SUPT16H: variants seen among roughly 807,000 people sequenced by gnomAD.
SUPT16H encodes the protein SPT16 homolog, facilitates chromatin remodeling subunit, also known as FACT complex subunit SPT16.
A neutral mutation model predicts 136.2 loss-of-function variants in SUPT16H; 24 were observed. That is an observed-to-expected ratio of 0.18 (90% confidence interval 0.13 to 0.25). The LOEUF is 0.25. SUPT16H is among the 10% of genes least tolerant of loss of function. The pLI is 1.00. For missense variants in SUPT16H, 623 were observed against 1,270.2 expected (o/e 0.49, Z 7.74); for synonymous variants, 415 against 428.2 (o/e 0.97, Z 0.38).
At chr14:21,358,039 G>A (rs939852764) in intron 20 of SUPT16H, 37 bp from the exon 21 acceptor site, 5 of 1,565,130 alleles carry the variant, frequency 3.2e-6, no homozygotes, top group Admixed American at 1.7e-5. Flanking sequence ...AGCTCATCAC[G>A]AGAGAGACTG....
At chr14:21,370,270 T>G in intron 4 of SUPT16H, 66 bp downstream of exon 4, 2 of 1,566,124 alleles carry the variant, frequency 1.3e-6, no homozygotes, top group South Asian at 2.4e-5. Context: ...GCACTATCTG[T>G]TATGGAAGCC....
intron 1 of SUPT16H, among the ~76,000 whole-genome samples, chr14:21,377,098 A>T (rs940086667): frequency 6.9e-6 from 1 of 144,528 alleles, no homozygotes; most frequent in East Asian, 2.0e-4. Context: ...AAAAAAAAAG[A>T]TCAACAATGA....
chr14:21,383,881 C>T lies in SUPT16H; in HGVS notation c.47G>A (p.Arg16Lys). ...DKDAYYRRVKRLYSNWRKGED... is the reference protein window; with the variant it reads ...DKDAYYRRVKKLYSNWRKGED... ...CCTCACCCGCCAATTGCTGTACAGTCTCTTCACTCGCCGATAATAAGCGTC... is the reference window on the plus strand; with the variant it reads ...CCTCACCCGCCAATTGCTGTACAGTTTCTTCACTCGCCGATAATAAGCGTC... The change falls in exon 1 of 26, where the codon AGA becomes AAA. Residue 16 changes from arginine (R) to lysine (K), a missense_variant. This residue lies in a region of SUPT16H where 343 missense variants were observed against 525.7 expected (regional missense o/e 0.65). Transcript: ENST00000216297. The T allele has an allele frequency of 6.2e-7, 1 of 1,613,810 alleles. No individual in the cohort carries two copies. Among genetic ancestry groups the T allele is most frequent in the Non-Finnish European group, 8.5e-7 (1 of 1,180,028 alleles).
In SUPT16H at chr14:21,381,612, T is replaced by A. The variant is rs538738255; in HGVS notation, c.66+2250A>T. Reference sequence around the variant, plus strand: ...AAAGCAAAAGGCTTGGGATTTATTTTTTTTTTTTTTAATTTATTTTTTAAA... The same window carrying A: ...AAAGCAAAAGGCTTGGGATTTATTTATTTTTTTTTTAATTTATTTTTTAAA... On this transcript the variant is annotated intron_variant, in intron 1 of 25. Coordinates refer to ENST00000216297, the MANE Select transcript of SUPT16H (RefSeq NM_007192.4). 7.4e-5 allele frequency among the ~76,000 whole-genome samples: 11 copies of A among 149,136 alleles called. No homozygotes were observed. In the South Asian group the frequency reaches 1.1e-3, roughly 14 times the overall value.
Position 21,368,291 on chromosome 14 carries a change from C to T in SUPT16H, c.933G>A (p.Glu311=), listed in dbSNP as rs760521991. ...NYNFLLQLQE[E]LLKELRHGVK... is the part of the protein sequence containing the mutation. ...CACCATGTCTTAATTCCTTCAGCAG[C>T]TCCTCTTGAAGCTGGAGCAAAAAGT... Residue 311 remains glutamate, a synonymous_variant, in exon 7 of 26, where the codon GAG becomes GAA. Transcript: ENST00000216297. 14 of 1,612,996 alleles carry T rather than the reference C, an allele frequency of 8.7e-6. No homozygotes were observed. The Admixed American group carries it at 2.3e-4, about 27-fold the overall frequency.
Position 21,370,347 on chromosome 14 carries a change from C to A in SUPT16H, c.472G>T (p.Gly158Cys), listed in dbSNP as rs2139411477. ...KSWNDCLNKE[G>C]FDKIDISAVV... ...AGTAGTATTCTTACTTTGTCAAAGC[C>A]TTCTTTGTTGAGGCAGTCATTCCAG... Residue 158 changes from glycine (G) to cysteine (C), a missense_variant, in exon 4 of 26, where the codon GGC (glycine) becomes TGC (cysteine). This residue lies in a region of SUPT16H where 343 missense variants were observed against 525.7 expected (regional missense o/e 0.65). Coordinates refer to ENST00000216297, the MANE Select transcript of SUPT16H (RefSeq NM_007192.4). The A allele has an allele frequency of 6.2e-7, 1 of 1,611,284 alleles. No individual in the cohort carries two copies. Among genetic ancestry groups the A allele is most frequent in the Non-Finnish European group, 8.5e-7 (1 of 1,179,710 alleles).
chr14:21,354,588 A>G, intron 22 of SUPT16H, 48 bp from the exon 23 acceptor site: 1 of 1,600,924 alleles, frequency 6.2e-7, no homozygotes, highest in Non-Finnish European at 8.5e-7. Flanking sequence ...TGTATTTTCC[A>G]TATATTCTTT....
intron 6 of SUPT16H, among the ~76,000 whole-genome samples, chr14:21,368,735 TG>T (rs1886725250): frequency 6.6e-6 from 1 of 152,226 alleles, no homozygotes; most frequent in African/African-American, 2.4e-5. Flanking sequence ...AGTCTAATTG[TG>T]GGGTTGTGAG....
chr14:21,367,081 C>T (rs1441231718), intron 7 of SUPT16H, among the ~76,000 whole-genome samples: 1 of 152,168 alleles, frequency 6.6e-6, no homozygotes, highest in Non-Finnish European at 1.5e-5. Context: ...GCTGAGACTA[C>T]AGGTGCCTGC....
At chr14:21,367,818 C>T (rs570693306) in intron 7 of SUPT16H, among the ~76,000 whole-genome samples, 1 of 152,270 alleles carries the variant, frequency 6.6e-6, no homozygotes, top group South Asian at 2.1e-4. Context: ...GACCTAGATG[C>T]TAGGATGATT....
At chr14:21,377,865 C>G (rs900961374) in intron 1 of SUPT16H, among the ~76,000 whole-genome samples, 1 of 152,198 alleles carries the variant, frequency 6.6e-6, no homozygotes, top group African/African-American at 2.4e-5. Flanking sequence ...CTTAAGTGAT[C>G]TGCCCACCTC....
At chr14:21,353,981 T>A in intron 23 of SUPT16H, 149 bp from the exon 24 acceptor site, 1 of 699,564 alleles carries the variant, frequency 1.4e-6, no homozygotes, top group Non-Finnish European at 2.2e-6. Flanking sequence ...ATGACTTGTT[T>A]AAAATTAGTG....
In SUPT16H at chr14:21,352,419, TATTA is replaced by T. The variant is rs1401334095; in HGVS notation, c.*250_*253del. On this transcript the variant is annotated 3_prime_UTR_variant, in exon 26 of 26. Transcript: ENST00000216297. ...GAAGAGAGAAGAATGAAACAATATT[TATTA>T]ACAGCGGGAGCCTCCTCCTGTCTTC... The T allele has an allele frequency of 4.0e-6, 2 of 496,646 alleles. No homozygotes were observed. Among genetic ancestry groups the T allele is most frequent in the Non-Finnish European group, 7.3e-6 (2 of 275,294 alleles). The allele number at this position is 496,646 out of a possible 1,614,324, so 30.8% of individuals were successfully genotyped here. A position where few individuals can be genotyped will look rare whatever the true frequency, so the allele number is the denominator to read the frequency against.
At chr14:21,369,674 C>T (rs1886745136) in intron 5 of SUPT16H, 76 bp downstream of exon 5, 1 of 1,565,706 alleles carries the variant, frequency 6.4e-7, no homozygotes. Context: ...AGCTGAAGAA[C>T]ACACCAACAG....
At chr14:21,380,629 C>G (rs2139421126) in intron 1 of SUPT16H, among the ~76,000 whole-genome samples, 1 of 152,214 alleles carries the variant, frequency 6.6e-6, no homozygotes, top group South Asian at 2.1e-4. Flanking sequence ...TACCCCAATC[C>G]TGACAGTTGG....
chr14:21,373,419 ATCT>A lies in SUPT16H; in HGVS notation c.75_77del (p.Glu25del), dbSNP rs1566392907. ...CAATGGCATCAACGTTGGCATACTC[ATCT>A]TCTCCTTTCTGAAAAGAGTGGGTAA... On this transcript the variant is annotated inframe_deletion, in exon 2 of 26. Transcript: ENST00000216297. 10 of 1,608,994 alleles carry A rather than the reference ATCT, an allele frequency of 6.2e-6. No individual in the cohort carries two copies. The highest frequency in any genetic ancestry group is 1.3e-5 in the African/African-American group (1 of 74,838).
intron 1 of SUPT16H, among the ~76,000 whole-genome samples, chr14:21,379,937 G>A (rs1205726076): frequency 6.6e-6 from 1 of 152,072 alleles, no homozygotes; most frequent in Non-Finnish European, 1.5e-5. Context: ...TCCCACTCCA[G>A]AGATAAAGGA....
intron 9 of SUPT16H, 61 bp from the exon 10 acceptor site, chr14:21,365,000 AT>A: frequency 6.2e-7 from 1 of 1,606,300 alleles, no homozygotes; most frequent in Non-Finnish European, 8.5e-7. Flanking sequence ...TGTGAGACAT[AT>A]GCCTAAAAGA....
chr14:21,354,592 ATTCT>A (rs1362979373), intron 22 of SUPT16H, 52 bp from the exon 23 acceptor site: 3 of 1,597,646 alleles, frequency 1.9e-6, no homozygotes, highest in Non-Finnish European at 2.6e-6. Context: ...TTTTCCATAT[ATTCT>A]TTCTTCTTTT....
Sources: allele counts gnomAD v4.1 joint callset (sites outside exome capture counted in the v4.1 genomes callset), GRCh38; gene constraint gnomAD v4.1.1; regional missense constraint gnomAD v4.1.1; transcripts MANE v1.5; gene names NCBI Gene and HGNC (gene_info 2026-07-23, HGNC 2026-07-21).